RIT2: variants seen among roughly 807,000 people sequenced by gnomAD.
RIT2 encodes the protein GTP-binding protein Rit2.
Under a neutral mutation model 23.7 loss-of-function variants are expected in RIT2, and 24 were observed. That is an observed-to-expected ratio of 1.01 (90% CI 0.73 to 1.43). The LOEUF (loss-of-function observed/expected upper bound fraction) is 1.43. Among genes scored for constraint, RIT2 ranks in the 40% most tolerant of loss-of-function variants. The pLI, the probability that RIT2 is intolerant of heterozygous loss-of-function variation, is 0.00. For synonymous variants in RIT2, 107 were observed against 91.1 expected (o/e 1.17, Z -0.99); for missense variants, 236 against 266.9 (o/e 0.88, Z 0.81).
At chr18:43,084,264 G>T (rs576429459) in intron 1 of RIT2, among the ~76,000 whole-genome samples, 1 of 152,244 alleles carries the variant, frequency 6.6e-6, no homozygotes, top group South Asian at 2.1e-4. Flanking sequence ...TGGAGCAATA[G>T]AAACACTTTT....
intron 1 of RIT2, among the ~76,000 whole-genome samples, chr18:43,077,489 A>T (rs1276604606): frequency 6.6e-6 from 1 of 151,950 alleles, no homozygotes; most frequent in Non-Finnish European, 1.5e-5. Context: ...CTTCATGTTG[A>T]GTTTAAGCCT....
At chr18:42,875,182 C>G (rs1183455308) in intron 4 of RIT2, among the ~76,000 whole-genome samples, 1 of 151,976 alleles carries the variant, frequency 6.6e-6, no homozygotes, top group African/African-American at 2.4e-5. Flanking sequence ...CCTTTATTCT[C>G]TCTGTAGTTT....
intron 4 of RIT2, among the ~76,000 whole-genome samples, chr18:42,890,764 T>A (rs1908150689): frequency 6.6e-6 from 1 of 151,190 alleles, no homozygotes; most frequent in Non-Finnish European, 1.5e-5. Context: ...TTGCCAAGTC[T>A]AAAAAAAAAT....
chr18:42,989,614 G>A (rs1432142983), intron 2 of RIT2, among the ~76,000 whole-genome samples: 2 of 152,106 alleles, frequency 1.3e-5, no homozygotes, highest in African/African-American at 4.8e-5. Flanking sequence ...TAGAGAACGT[G>A]TCAATTTGGA....
At chr18:43,083,769 A>G (rs1426076559) in intron 1 of RIT2, among the ~76,000 whole-genome samples, 1 of 152,168 alleles carries the variant, frequency 6.6e-6, no homozygotes, top group Non-Finnish European at 1.5e-5. Flanking sequence ...AAAACCTAAA[A>G]CCATAAAAAC....
chr18:43,079,162 AT>A (rs1384337368), intron 1 of RIT2, among the ~76,000 whole-genome samples: 1 of 152,226 alleles, frequency 6.6e-6, no homozygotes, highest in African/African-American at 2.4e-5. Flanking sequence ...AAATCATCTA[AT>A]TCAATTTTTA....
chr18:42,762,980 A>T (rs1310610374), intron 4 of RIT2, among the ~76,000 whole-genome samples: 1 of 152,234 alleles, frequency 6.6e-6, no homozygotes, highest in Non-Finnish European at 1.5e-5. Flanking sequence ...TTGTGCAAAC[A>T]TCATAGACAC....
At chr18:43,070,934 T>TA (rs1275282622) in intron 1 of RIT2, among the ~76,000 whole-genome samples, 1 of 152,178 alleles carries the variant, frequency 6.6e-6, no homozygotes, top group East Asian at 1.9e-4. Context: ...TTAGACCTTG[T>TA]AAAAAAGCTG....
intron 4 of RIT2, among the ~76,000 whole-genome samples, chr18:42,779,941 T>C (rs545255414): frequency 6.6e-6 from 1 of 151,688 alleles, no homozygotes; most frequent in African/African-American, 2.4e-5. Context: ...TGCTAGGTAA[T>C]GAAACTTAAA....
intron 2 of RIT2, among the ~76,000 whole-genome samples, chr18:43,031,837 G>A (rs1245697292): frequency 6.6e-6 from 1 of 152,026 alleles, no homozygotes; most frequent in Non-Finnish European, 1.5e-5. Context: ...TGTGAAAAAA[G>A]TATCCTTGAT....
chr18:42,754,656 T>C (rs615912), intron 4 of RIT2, among the ~76,000 whole-genome samples: 101,324 of 151,990 alleles, frequency 0.67, 36,811 homozygotes, highest in Middle Eastern at 0.83. Context: ...ACCAACCAAA[T>C]GCAAGGCAGC....
At chr18:42,745,574 A>AT (rs1377034348) in intron 4 of RIT2, among the ~76,000 whole-genome samples, 1 of 152,050 alleles carries the variant, frequency 6.6e-6, no homozygotes, top group Non-Finnish European at 1.5e-5. Flanking sequence ...CTCTTATTTT[A>AT]TTTTTTTCAT....
intron 4 of RIT2, among the ~76,000 whole-genome samples, chr18:42,828,658 G>A (rs1906373295): frequency 6.6e-6 from 1 of 152,174 alleles, no homozygotes; most frequent in African/African-American, 2.4e-5. Context: ...AACTTGACAG[G>A]AGACTCACCA....
chr18:43,077,634 A>T (rs1006848615), intron 1 of RIT2, among the ~76,000 whole-genome samples: 1 of 152,182 alleles, frequency 6.6e-6, no homozygotes, highest in African/African-American at 2.4e-5. Context: ...TGATTCATGT[A>T]ACATCTTTCA....
At chr18:43,028,955 G>A (rs1911793285) in intron 2 of RIT2, among the ~76,000 whole-genome samples, 1 of 151,932 alleles carries the variant, frequency 6.6e-6, no homozygotes, top group South Asian at 2.1e-4. Context: ...CTCAATACAA[G>A]AGATATTGAG....
intron 1 of RIT2, among the ~76,000 whole-genome samples, chr18:43,057,990 C>G (rs915685256): frequency 2.0e-5 from 3 of 151,922 alleles, no homozygotes; most frequent in Non-Finnish European, 2.9e-5. Flanking sequence ...ACAAACAAAG[C>G]AAACTAGAAA....
chr18:43,002,129 C>T (rs1911121210), intron 2 of RIT2, among the ~76,000 whole-genome samples: 1 of 151,980 alleles, frequency 6.6e-6, no homozygotes, highest in Non-Finnish European at 1.5e-5. Context: ...AGCCTTCAGT[C>T]TGTGGCTGAA....
chr18:43,079,352 G>A (rs1182706103), intron 1 of RIT2, among the ~76,000 whole-genome samples: 4 of 152,018 alleles, frequency 2.6e-5, no homozygotes. Context: ...AGACAAATCA[G>A]AAAAAAATAT....
At chr18:42,744,333 T>G (rs958919432) in intron 4 of RIT2, among the ~76,000 whole-genome samples, 4 of 152,136 alleles carry the variant, frequency 2.6e-5, no homozygotes, top group Middle Eastern at 3.2e-3. Context: ...TAAAAATATA[T>G]AGCAATGTGA....
Sources: gnomAD v4.1 joint callset for allele counts (sites outside exome capture counted in the v4.1 genomes callset) on GRCh38, gnomAD v4.1.1 for gene constraint, MANE v1.5 for transcripts, NCBI Gene and HGNC (gene_info 2026-07-23, HGNC 2026-07-21) for gene names.